Variants in GRM7 observed in about 807,000 individuals in gnomAD.
GRM7 encodes metabotropic glutamate receptor 7.
GRM7 carries 35 observed loss-of-function variants against 84.5 expected under a neutral mutation model. The ratio of observed to expected loss-of-function variants is 0.41; its 90% CI spans 0.32 to 0.55. The LOEUF (loss-of-function observed/expected upper bound fraction) is 0.55. GRM7 is among the 20% of genes least tolerant of loss of function. The probability of loss-of-function intolerance (pLI) is 0.19; values close to 1 mark genes in which losing one functional copy is unlikely to be tolerated. For synonymous variants in GRM7, 487 were observed against 455.1 expected (o/e 1.07, Z -0.89); for missense variants, 1,003 against 1,194.6 (o/e 0.84, Z 2.36).
intron 2 of GRM7, among the ~76,000 whole-genome samples, chr3:7,220,597 G>A (rs1696768224): frequency 6.6e-6 from 1 of 152,038 alleles, no homozygotes; most frequent in African/African-American, 2.4e-5. Flanking sequence ...ATTAGGAAAA[G>A]GGCATTAGGT....
intron 4 of GRM7, among the ~76,000 whole-genome samples, chr3:7,399,603 G>A (rs1695361512): frequency 2.0e-5 from 3 of 152,196 alleles, no homozygotes; most frequent in African/African-American, 7.2e-5. Flanking sequence ...CAGTGTCGGA[G>A]ATGGGGCCTA....
In GRM7 at chr3:7,168,284, C is replaced by T. The variant is rs1253283553; in HGVS notation, c.736+21616C>T. ...AAATATAATTCCCATTGTTGAGGTT[C>T]TTCATGCCTTCTATGGACTGAATTC... On this transcript the variant is annotated intron_variant, in intron 2 of 9. Coordinates refer to ENST00000357716, the MANE Select transcript of GRM7 (RefSeq NM_000844.4). Among the ~76,000 whole-genome samples, 5 of 152,126 alleles carry T rather than the reference C, an allele frequency of 3.3e-5. No homozygotes were observed. In the East Asian group the frequency reaches 9.7e-4, roughly 29 times the overall value.
intron 1 of GRM7, among the ~76,000 whole-genome samples, chr3:6,965,154 C>G (rs73021789): frequency 0.025 from 3,785 of 152,106 alleles, 72 homozygotes; most frequent in Middle Eastern, 0.037. Context: ...TGGGAGAGAG[C>G]CTGCCACTTC....
chr3:7,063,377 T>C (rs1389656485), intron 1 of GRM7, among the ~76,000 whole-genome samples: 2 of 151,714 alleles, frequency 1.3e-5, no homozygotes, highest in Non-Finnish European at 2.9e-5. Context: ...TATTGAGTTA[T>C]TGGACCATGA....
chr3:7,316,046 A>G (rs79903909), intron 4 of GRM7, among the ~76,000 whole-genome samples: 8 of 152,290 alleles, frequency 5.3e-5, no homozygotes, highest in African/African-American at 1.9e-4. Flanking sequence ...ATTTGAATAA[A>G]TAAAGGAATT....
rs773710665 is a variant in GRM7, at chr3:7,188,603, T to C, written c.736+41935T>C. Among the ~76,000 whole-genome samples the C allele has an allele frequency of 5.3e-5, 8 of 152,240 alleles. No individual in the cohort carries two copies. Among genetic ancestry groups the C allele is most frequent in the Non-Finnish European group, 8.8e-5 (6 of 68,020 alleles). On this transcript the variant is annotated intron_variant, in intron 2 of 9. Transcript: ENST00000357716. The surrounding 1 kb of genome is among the most constrained non-coding windows in gnomAD (Gnocchi z 4.2). ...ATGTAAGGAATAATGAGAAAAGATA[T>C]TGGAATAAAGGATCTACTTGAGTGT...
chr3:6,883,797 A>G (rs1450667499), intron 1 of GRM7, among the ~76,000 whole-genome samples: 1 of 152,212 alleles, frequency 6.6e-6, no homozygotes. Flanking sequence ...AACCGTGAGG[A>G]TCCTGCTTAT....
At chr3:7,359,753 A>G (rs1693580108) in intron 4 of GRM7, among the ~76,000 whole-genome samples, 1 of 148,590 alleles carries the variant, frequency 6.7e-6, no homozygotes. Flanking sequence ...AGTATAGCAC[A>G]TGGCACATGA....
At chr3:7,419,263 C>T (rs1414550042) in intron 5 of GRM7, among the ~76,000 whole-genome samples, 1 of 152,058 alleles carries the variant, frequency 6.6e-6, no homozygotes, top group East Asian at 1.9e-4. Context: ...AAACATGAAG[C>T]GCAAGGCTTA....
At chr3:7,334,477 CA>C (rs1559244613) in intron 4 of GRM7, among the ~76,000 whole-genome samples, 10 of 94,288 alleles carry the variant, frequency 1.1e-4, no homozygotes, top group African/African-American at 4.5e-4. Flanking sequence ...CACAGGGACC[CA>C]CAAAAAAAAT....
chr3:7,740,556 A>T lies in GRM7; in HGVS notation c.*150A>T. On this transcript the variant is annotated 3_prime_UTR_variant, in exon 10 of 10. Transcript: ENST00000357716. ...CAGTGTTAGAGGATCCAAGCGACCT[A>T]AACAGCTGCTTTATGAAATATCCTT... 1 of 493,934 alleles carries T rather than the reference A, an allele frequency of 2.0e-6. No homozygotes were observed. 30.6% of individuals were successfully genotyped at this position (493,934 alleles called of 1,614,324 possible).
At chr3:7,075,568 T>A (rs1051752759) in intron 1 of GRM7, among the ~76,000 whole-genome samples, 2 of 151,252 alleles carry the variant, frequency 1.3e-5, no homozygotes, top group African/African-American at 4.9e-5. Flanking sequence ...TCTCACTCTG[T>A]CGCCCAGGCT....
At chr3:7,075,009 A>G (rs6772333) in intron 1 of GRM7, among the ~76,000 whole-genome samples, 46,794 of 152,118 alleles carry the variant, frequency 0.31, 7,674 homozygotes, top group African/African-American at 0.41. Context: ...TACTGAAGTC[A>G]AACCTTCTCT....
chr3:7,281,102 C>T (rs1303317609), intron 2 of GRM7, among the ~76,000 whole-genome samples: 1 of 152,098 alleles, frequency 6.6e-6, no homozygotes, highest in Non-Finnish European at 1.5e-5. Flanking sequence ...CTTCTCCAAG[C>T]AGGTAAGAAA....
At chr3:7,697,120 C>T (rs1187860162) in intron 9 of GRM7, among the ~76,000 whole-genome samples, 1 of 152,076 alleles carries the variant, frequency 6.6e-6, no homozygotes, top group East Asian at 1.9e-4. Flanking sequence ...ACAAGCTATA[C>T]ATTTTTAAAA....
intron 1 of GRM7, among the ~76,000 whole-genome samples, chr3:7,103,694 G>A (rs779123001): frequency 6.6e-6 from 1 of 151,520 alleles, no homozygotes; most frequent in Non-Finnish European, 1.5e-5. Context: ...CAGTGTTACT[G>A]TGTACTAATG....
intron 1 of GRM7, among the ~76,000 whole-genome samples, chr3:6,923,202 A>G (rs6776651): frequency 1.3e-5 from 2 of 151,862 alleles, no homozygotes; most frequent in South Asian, 2.1e-4. Flanking sequence ...TTTAGTAGAG[A>G]TGGGGTTTCA....
At position 7,563,830 on chromosome 3, in the gene GRM7, C is replaced by G. The variant is rs577304814; in HGVS notation, c.1516-14592C>G. 9.9e-4 allele frequency among the ~76,000 whole-genome samples: 150 copies of G among 152,268 alleles called. 2 individuals are homozygous for G. The South Asian group carries it at 0.029, about 30-fold the overall frequency. The stretch of plus-strand genomic sequence containing the variant: ...CTCACACTTGCCTTCCAAGAAGGTA[C>G]TCTGTCAACTTCAGACAAACAGTCA... On this transcript the variant is annotated intron_variant, in intron 7 of 9. Coordinates refer to ENST00000357716, the MANE Select transcript of GRM7 (RefSeq NM_000844.4).
intron 4 of GRM7, among the ~76,000 whole-genome samples, chr3:7,307,593 C>T (rs1025963377): frequency 5.3e-5 from 8 of 152,202 alleles, no homozygotes; most frequent in Non-Finnish European, 1.2e-4. Context: ...GGTTCTGTCA[C>T]TGTTTCCTTT....
Sources: allele counts gnomAD v4.1 joint callset (sites outside exome capture counted in the v4.1 genomes callset), GRCh38; gene constraint gnomAD v4.1.1; non-coding constraint Gnocchi (gnomAD v3.1); transcripts MANE v1.5; gene names NCBI Gene and HGNC (gene_info 2026-07-23, HGNC 2026-07-21).